The following RBMS3 variants were observed in gnomAD, a reference collection of about 807,000 sequenced individuals.
RBMS3 encodes the protein RNA binding motif single stranded interacting protein 3, also known as RNA-binding motif, single-stranded-interacting protein 3.
RBMS3 carries 27 observed loss-of-function variants against 66.8 expected under a neutral mutation model. The observed-to-expected ratio is 0.40, with a 90% CI of 0.30 to 0.56. The LOEUF is 0.56. Ranked by LOEUF, RBMS3 falls within the 20% of genes least tolerant of loss-of-function variation. The pLI, the probability that RBMS3 is intolerant of heterozygous loss-of-function variation, is 0.40. For missense variants in RBMS3, 513 were observed against 549.5 expected (o/e 0.93, Z 0.66); for synonymous variants, 188 against 183.0 (o/e 1.03, Z -0.22).
At chr3:29,453,243 G>C (rs2042071394) in intron 2 of RBMS3, among the ~76,000 whole-genome samples, 1 of 152,136 alleles carries the variant, frequency 6.6e-6, no homozygotes, top group Non-Finnish European at 1.5e-5. Flanking sequence ...ATTTTCTCTG[G>C]AATGCTTTTA....
chr3:29,890,212 C>CAA (rs1196771583), intron 8 of RBMS3, among the ~76,000 whole-genome samples: 1 of 151,576 alleles, frequency 6.6e-6, no homozygotes, highest in Non-Finnish European at 1.5e-5. Flanking sequence ...GTAGAACAAC[C>CAA]ATTTCTATGC....
intron 5 of RBMS3, among the ~76,000 whole-genome samples, chr3:29,759,789 CT>C (rs2055584531): frequency 6.6e-6 from 1 of 152,032 alleles, no homozygotes; most frequent in Non-Finnish European, 1.5e-5. Context: ...AACACTGAGC[CT>C]TTTCCCCTTG....
chr3:29,843,047 T>C (rs538963332), intron 6 of RBMS3, among the ~76,000 whole-genome samples: 47 of 152,326 alleles, frequency 3.1e-4, no homozygotes, highest in African/African-American at 1.1e-3. Context: ...TACTCCAATT[T>C]CTTTCTGTAT....
intron 3 of RBMS3, among the ~76,000 whole-genome samples, chr3:29,529,931 C>T (rs968450810): frequency 6.6e-6 from 1 of 152,058 alleles, no homozygotes; most frequent in Non-Finnish European, 1.5e-5. Context: ...TGATATACTA[C>T]AGGATAGACA....
At chr3:29,689,658 C>T (rs1225943995) in intron 4 of RBMS3, among the ~76,000 whole-genome samples, 1 of 151,964 alleles carries the variant, frequency 6.6e-6, no homozygotes, top group Admixed American at 6.6e-5. Context: ...AGAAGGCTTG[C>T]TTTGTAAGGA....
Position 29,463,614 on chromosome 3 carries a change from GAAAAAAAA to G in RBMS3, c.249-24817_249-24810del, listed in dbSNP as rs3041556. On this transcript the variant is annotated intron_variant, in intron 2 of 14. Coordinates refer to ENST00000383767, the MANE Select transcript of RBMS3 (RefSeq NM_001003793.3). ...TAGGATTATGTATTTCTGGTTAGTT[GAAAAAAAA>G]AAAAAAAAAGCAGTATGGAAGCAGA... 1.2e-4 allele frequency among the ~76,000 whole-genome samples: 15 copies of G among 127,228 alleles called. 1 individual carries two copies. Among genetic ancestry groups the G allele is most frequent in the Admixed American group, 3.2e-4 (4 of 12,566 alleles). 83.5% of individuals were successfully genotyped at this position (127,228 alleles called of 152,430 possible). A position where few individuals can be genotyped will look rare whatever the true frequency, so the allele number is the denominator to read the frequency against.
intron 6 of RBMS3, among the ~76,000 whole-genome samples, chr3:29,784,783 T>C (rs2056763560): frequency 6.6e-6 from 1 of 151,996 alleles, no homozygotes. Context: ...GATAGACCGT[T>C]AGCAAAATTA....
chr3:29,635,707 C>A (rs1457748311), intron 4 of RBMS3, among the ~76,000 whole-genome samples: 1 of 151,894 alleles, frequency 6.6e-6, no homozygotes, highest in Non-Finnish European at 1.5e-5. Flanking sequence ...GCCACAGGAA[C>A]TGGGGTTACA....
intron 4 of RBMS3, among the ~76,000 whole-genome samples, chr3:29,730,556 C>G (rs937569004): frequency 2.6e-5 from 4 of 152,080 alleles, no homozygotes; most frequent in African/African-American, 9.7e-5. Flanking sequence ...TCATAGTAAA[C>G]CTATGGCTGT....
At chr3:29,940,390 G>A (rs2149696806) in intron 11 of RBMS3, among the ~76,000 whole-genome samples, 1 of 151,984 alleles carries the variant, frequency 6.6e-6, no homozygotes, top group African/African-American at 2.4e-5. Context: ...TTAAGATTAA[G>A]ATAGGATTCT....
intron 3 of RBMS3, among the ~76,000 whole-genome samples, chr3:29,584,145 A>C (rs893038225): frequency 2.0e-5 from 3 of 152,064 alleles, no homozygotes; most frequent in African/African-American, 7.2e-5. Context: ...CATGTTTCTA[A>C]AGACACTGGG....
intron 6 of RBMS3, among the ~76,000 whole-genome samples, chr3:29,832,051 T>TA (rs1348035768): frequency 6.6e-6 from 1 of 152,176 alleles, no homozygotes; most frequent in Non-Finnish European, 1.5e-5. Context: ...CTTTGTGTTT[T>TA]AAAAAATTAT....
intron 4 of RBMS3, among the ~76,000 whole-genome samples, chr3:29,678,057 T>C (rs2051327426): frequency 1.3e-5 from 2 of 152,152 alleles, no homozygotes; most frequent in Non-Finnish European, 2.9e-5. Flanking sequence ...AAATGAACTA[T>C]GGGGCTAAAG....
intron 4 of RBMS3, among the ~76,000 whole-genome samples, chr3:29,683,826 A>T (rs1011523771): frequency 6.6e-6 from 1 of 152,238 alleles, no homozygotes; most frequent in African/African-American, 2.4e-5. Flanking sequence ...ATGGTTTCTC[A>T]GCAGCTGACA....
chr3:29,480,013 G>A (rs544302546), intron 2 of RBMS3, among the ~76,000 whole-genome samples: 9 of 152,292 alleles, frequency 5.9e-5, no homozygotes, highest in Admixed American at 2.0e-4. Flanking sequence ...AGAAAAAGGC[G>A]AAGATGGTGA....
At chr3:29,757,755 G>T (rs2055489825) in intron 5 of RBMS3, among the ~76,000 whole-genome samples, 1 of 152,124 alleles carries the variant, frequency 6.6e-6, no homozygotes, top group African/African-American at 2.4e-5. Flanking sequence ...TGCACACCCA[G>T]TTTCCCCCAT....
At chr3:29,468,045 A>T (rs746595527) in intron 2 of RBMS3, among the ~76,000 whole-genome samples, 4 of 152,152 alleles carry the variant, frequency 2.6e-5, no homozygotes, top group Non-Finnish European at 4.4e-5. Flanking sequence ...AATGCTATTG[A>T]CACTTTCAGC....
intron 1 of RBMS3, among the ~76,000 whole-genome samples, chr3:29,400,119 CT>C (rs958377785): frequency 1.3e-5 from 2 of 152,020 alleles, no homozygotes; most frequent in Non-Finnish European, 2.9e-5. Context: ...TCCAGCCCTT[CT>C]GGGGAAAAAA....
intron 5 of RBMS3, among the ~76,000 whole-genome samples, chr3:29,756,993 G>T (rs2149374611): frequency 6.6e-6 from 1 of 152,120 alleles, no homozygotes; most frequent in African/African-American, 2.4e-5. Context: ...AAACCTCTGG[G>T]TTTGATTAAT....
Sources: gnomAD v4.1 joint callset for allele counts (sites outside exome capture counted in the v4.1 genomes callset) on GRCh38, gnomAD v4.1.1 for gene constraint, MANE v1.5 for transcripts, NCBI Gene and HGNC (gene_info 2026-07-23, HGNC 2026-07-21) for gene names.